CLDN16: variants seen among roughly 807,000 people sequenced by gnomAD.
The protein encoded by CLDN16 is claudin 16.
CLDN16 carries 13 observed loss-of-function variants against 24.6 expected under a neutral mutation model. That is an observed-to-expected ratio of 0.53 (90% CI 0.34 to 0.84). The LOEUF (loss-of-function observed/expected upper bound fraction) is 0.84. Ranked by LOEUF, CLDN16 falls within the 40% of genes least tolerant of loss-of-function variation. The pLI is 0.01. For missense variants in CLDN16, 298 were observed against 292.7 expected (o/e 1.02, Z -0.13); for synonymous variants, 116 against 106.7 (o/e 1.09, Z -0.54).
intron 3 of CLDN16, among the ~76,000 whole-genome samples, chr3:190,381,356 G>A (rs1718366055): frequency 6.6e-6 from 1 of 152,034 alleles, no homozygotes; most frequent in Non-Finnish European, 1.5e-5. Flanking sequence ...TTACTCTCTT[G>A]TCTAAAACCT....
intron 1 of CLDN16, among the ~76,000 whole-genome samples, chr3:190,363,585 T>C (rs1452146768): frequency 1.4e-4 from 19 of 138,442 alleles, no homozygotes; most frequent in African/African-American, 2.4e-4. Context: ...TATATATATA[T>C]ATATATATAT....
At chr3:190,383,691 G>A (rs1209412521), upstream of CLDN16, among the ~76,000 whole-genome samples, 1 of 152,108 alleles carries the variant, frequency 6.6e-6, no homozygotes, top group Admixed American at 6.6e-5. Flanking sequence ...GGATTTGAAA[G>A]CACCATAGGA....
chr3:190,340,110 A>G (rs1490605439), intron 1 of CLDN16, among the ~76,000 whole-genome samples: 1 of 152,238 alleles, frequency 6.6e-6, no homozygotes, highest in Non-Finnish European at 1.5e-5. Context: ...ACAAAGTTTA[A>G]CATCCTTTCT....
chr3:190,392,866 C>T (rs1718714889), intron 1 of CLDN16, among the ~76,000 whole-genome samples: 1 of 152,044 alleles, frequency 6.6e-6, no homozygotes, highest in African/African-American at 2.4e-5. Context: ...AGATCTTATA[C>T]CATAGGCAAG....
chr3:190,354,845 C>A (rs1300385652), intron 1 of CLDN16, among the ~76,000 whole-genome samples: 1 of 151,976 alleles, frequency 6.6e-6, no homozygotes, highest in African/African-American at 2.4e-5. Context: ...GATATTAGAT[C>A]CATTCCTGCC....
At chr3:190,291,237 G>A in the CLDN16 span, among the ~76,000 whole-genome samples, 1 of 152,116 alleles carries the variant, frequency 6.6e-6, no homozygotes, top group Non-Finnish European at 1.5e-5. Context: ...TGGTATCAGA[G>A]AAACAAAAGG....
intron 1 of CLDN16, among the ~76,000 whole-genome samples, chr3:190,366,872 G>T (rs570952900): frequency 4.0e-5 from 6 of 151,722 alleles, no homozygotes; most frequent in Admixed American, 3.3e-4. Flanking sequence ...TCCTGCAGAG[G>T]GATTTCAGAA....
chr3:190,412,118 A>T lies in CLDN16; in HGVS notation c.*2082A>T, dbSNP rs1294731034. On this transcript the variant is annotated 3_prime_UTR_variant, in exon 5 of 5. Transcript: ENST00000264734. Reference sequence around the variant, plus strand: ...GTGACTGTTTTGAATTTTTTTCTCAATTAAAACATTTTGTATGTAATGGGA... The same window carrying T: ...GTGACTGTTTTGAATTTTTTTCTCATTTAAAACATTTTGTATGTAATGGGA... 1 of 152,140 alleles carries T rather than the reference A, an allele frequency of 6.6e-6. No individual in the cohort carries two copies. The highest frequency in any genetic ancestry group is 2.4e-5 in the African/African-American group (1 of 41,460). The allele number at this position is 152,140 out of a possible 1,614,324, so 9.4% of individuals were successfully genotyped here.
intron 1 of CLDN16, among the ~76,000 whole-genome samples, chr3:190,363,554 G>GCGTATATATATATA (rs10663299): frequency 1.2e-5 from 1 of 81,364 alleles, no homozygotes; most frequent in Non-Finnish European, 2.3e-5. Flanking sequence ...GTGTGTGTGT[G>GCGTATATATATATA]TGTATATATA....
At chr3:190,359,534 G>C (rs1327156060) in intron 1 of CLDN16, among the ~76,000 whole-genome samples, 3 of 151,942 alleles carry the variant, frequency 2.0e-5, no homozygotes, top group African/African-American at 7.2e-5. Context: ...GTAAAAAACT[G>C]TATCTTTAGT....
the CLDN16 span, among the ~76,000 whole-genome samples, chr3:190,302,785 T>TA: frequency 7.4e-6 from 1 of 135,072 alleles, no homozygotes; most frequent in African/African-American, 3.0e-5. Flanking sequence ...AAAAAATATA[T>TA]ATATATATAT....
chr3:190,389,186 G>A (rs761044122), intron 1 of CLDN16, among the ~76,000 whole-genome samples: 1 of 152,108 alleles, frequency 6.6e-6, no homozygotes. Flanking sequence ...TGTGGCCATA[G>A]GAATCTGAGA....
At chr3:190,404,644 C>A in intron 2 of CLDN16, 118 bp from the exon 3 acceptor site, 1 of 962,560 alleles carries the variant, frequency 1.0e-6, no homozygotes, top group Non-Finnish European at 1.7e-6. Flanking sequence ...CAAAGTCTGA[C>A]TTTTACCGGA....
At chr3:190,321,666 G>GAGT (rs924743692), upstream of CLDN16, among the ~76,000 whole-genome samples, 2 of 152,108 alleles carry the variant, frequency 1.3e-5, no homozygotes, top group Non-Finnish European at 2.9e-5. Flanking sequence ...ATGCCTAGGA[G>GAGT]AGGTCTAAGA....
At chr3:190,383,518 G>A (rs1422073652), upstream of CLDN16, among the ~76,000 whole-genome samples, 1 of 152,034 alleles carries the variant, frequency 6.6e-6, no homozygotes, top group Non-Finnish European at 1.5e-5. Flanking sequence ...TATGTACAGG[G>A]GTACAGATAC....
intron 1 of CLDN16, among the ~76,000 whole-genome samples, chr3:190,325,167 G>C (rs984762115): frequency 1.3e-5 from 2 of 152,102 alleles, no homozygotes; most frequent in African/African-American, 4.8e-5. Context: ...CTATCTCTAC[G>C]TGCAGGTAAC....
At chr3:190,313,709 G>C in the CLDN16 span, among the ~76,000 whole-genome samples, 1 of 152,016 alleles carries the variant, frequency 6.6e-6, no homozygotes, top group Non-Finnish European at 1.5e-5. Context: ...GACATCACTA[G>C]TTTTTTAAAA....
chr3:190,293,849 G>A, the CLDN16 span, among the ~76,000 whole-genome samples: 2 of 152,136 alleles, frequency 1.3e-5, no homozygotes, highest in Admixed American at 6.5e-5. Context: ...GGGGACAAAG[G>A]GTCTAAAAGA....
the CLDN16 span, among the ~76,000 whole-genome samples, chr3:190,292,825 T>C: frequency 3.6e-3 from 549 of 152,284 alleles, 3 homozygotes; most frequent in Non-Finnish European, 5.7e-3. Context: ...CCACCTCAGC[T>C]TGGACTTCAT....
Sources: allele counts gnomAD v4.1 joint callset (sites outside exome capture counted in the v4.1 genomes callset), GRCh38; gene constraint gnomAD v4.1.1; transcripts MANE v1.5; gene names NCBI Gene and HGNC (gene_info 2026-07-23, HGNC 2026-07-21).